Variants in TET2 observed in about 807,000 individuals in gnomAD.
The protein encoded by TET2 is tet methylcytosine dioxygenase 2.
TET2 carries 299 observed loss-of-function variants against 142.9 expected under a neutral mutation model. The ratio of observed to expected loss-of-function variants is 2.09; its 90% CI spans 1.90 to 2.30. The LOEUF (loss-of-function observed/expected upper bound fraction) is 2.30. TET2 is among the 30% of genes most tolerant of loss of function. TET2 has a pLI of 0.00. For synonymous variants in TET2, 819 were observed against 849.0 expected, an observed-to-expected ratio of 0.96 and a Z score of 0.61; for missense variants, 2,418 against 2,378.0, an observed-to-expected ratio of 1.02 and a Z score of -0.35.
chr4:105,203,497 A>G (rs1160156970), intron 2 of TET2, among the ~76,000 whole-genome samples: 1 of 152,096 alleles, frequency 6.6e-6, no homozygotes, highest in Non-Finnish European at 1.5e-5. Context: ...TTGTATACCA[A>G]TACATTACAT....
chr4:105,221,816 A>G (rs1727841196), intron 2 of TET2, among the ~76,000 whole-genome samples: 1 of 151,552 alleles, frequency 6.6e-6, no homozygotes, highest in African/African-American at 2.4e-5. Flanking sequence ...TGCACCCACT[A>G]ACTCGTCATC....
chr4:105,240,416 T>G (rs1042569430), intron 3 of TET2: 51 of 1,072,768 alleles, frequency 4.8e-5, no homozygotes, highest in African/African-American at 8.2e-5. Context: ...GATATATACG[T>G]GGATAGAGAT....
intron 2 of TET2, among the ~76,000 whole-genome samples, chr4:105,194,357 A>G (rs1010134969): frequency 6.6e-6 from 1 of 152,090 alleles, no homozygotes. Context: ...CCTGATTTAC[A>G]ATGTTATCTT....
intron 8 of TET2, among the ~76,000 whole-genome samples, chr4:105,267,858 GA>G (rs1157045931): frequency 6.6e-6 from 1 of 151,732 alleles, no homozygotes; most frequent in Non-Finnish European, 1.5e-5. Context: ...GACATAACAG[GA>G]AAAAATATGA....
chr4:105,236,248 A>G lies in TET2; in HGVS notation c.2306A>G (p.Gln769Arg). 1 of 1,614,144 alleles carries G rather than the reference A, an allele frequency of 6.2e-7. No individual in the cohort carries two copies. Among genetic ancestry groups the G allele is most frequent in the Non-Finnish European group, 8.5e-7 (1 of 1,180,022 alleles). The change falls in exon 3 of 11, where the codon CAG (glutamine) becomes CGG (arginine). Residue 769 changes from glutamine (Q) to arginine (R), a missense_variant. By Grantham distance (43) the Gln-to-Arg change is conservative (BLOSUM62 1). Transcript: ENST00000380013. Reference protein sequence around the residue: ...TFPHPQSNNDQQREGSFFGQT... With the variant: ...TFPHPQSNNDRQREGSFFGQT... ...CCTCACCCCCAAAGCAACAATGATC[A>G]GCAAAGAGAAGGATCATTCTTTGGC...
chr4:105,237,481 C>A, intron 3 of TET2, 130 bp downstream of exon 3: 1 of 1,607,420 alleles, frequency 6.2e-7, no homozygotes, highest in South Asian at 1.1e-5. Context: ...TCATAAAAAT[C>A]TGAAGCTTAC....
intron 1 of TET2, among the ~76,000 whole-genome samples, chr4:105,159,298 G>GT (rs1166895496): frequency 2.0e-5 from 3 of 148,664 alleles, no homozygotes; most frequent in Non-Finnish European, 4.4e-5. Context: ...TGCTGCCAAG[G>GT]TTGGAGTGCA....
At chr4:105,171,197 G>A (rs991680727) in intron 1 of TET2, among the ~76,000 whole-genome samples, 1 of 152,012 alleles carries the variant, frequency 6.6e-6, no homozygotes. Flanking sequence ...TTTATTCAAA[G>A]TGTTATCTCC....
intron 2 of TET2, among the ~76,000 whole-genome samples, chr4:105,212,539 T>C (rs1454566617): frequency 6.6e-6 from 1 of 152,208 alleles, no homozygotes; most frequent in Admixed American, 6.6e-5. Flanking sequence ...TAAAATCATT[T>C]ATGCATACTA....
At position 105,275,475 on chromosome 4, in the gene TET2, G is replaced by A. The variant is rs755125847; in HGVS notation, c.4965G>A (p.Pro1655=). The A allele has an allele frequency of 3.9e-5, 61 of 1,551,508 alleles. No individual in the cohort carries two copies. In the Middle Eastern group the frequency reaches 1.7e-3, roughly 42 times the overall value. The change falls in exon 11 of 11, where the codon CCG becomes CCA. Residue 1655 remains proline (P), a synonymous_variant. Coordinates refer to ENST00000380013, the MANE Select transcript of TET2 (RefSeq NM_001127208.3). The part of the protein sequence containing the change: ...YLGSYSPQSQ[P]MDLYRYPSQD... Reference sequence around the variant, plus strand: ...GTTCCTATTCTCCCCAGTCTCAGCCGATGGATCTGTATAGGTATCCAAGCC... The same window carrying A: ...GTTCCTATTCTCCCCAGTCTCAGCCAATGGATCTGTATAGGTATCCAAGCC...
chr4:105,195,878 ACTTTT>A (rs1326763557), intron 2 of TET2, among the ~76,000 whole-genome samples: 2 of 152,090 alleles, frequency 1.3e-5, no homozygotes, highest in Admixed American at 6.6e-5. Flanking sequence ...AGTCTTGGGG[ACTTTT>A]CTTAAAATAT....
At chr4:105,159,251 C>CTTTTTTTTT (rs779676545) in intron 1 of TET2, among the ~76,000 whole-genome samples, 1 of 134,586 alleles carries the variant, frequency 7.4e-6, no homozygotes, top group African/African-American at 2.8e-5. Context: ...TTCTTTCTTT[C>CTTTTTTTTT]TTTTTTTTTT....
intron 8 of TET2, among the ~76,000 whole-genome samples, chr4:105,263,094 C>G (rs1578722262): frequency 6.6e-6 from 1 of 151,708 alleles, no homozygotes; most frequent in Non-Finnish European, 1.5e-5. Context: ...AAATAAATAG[C>G]AATTTTAGAA....
At position 105,269,693 on chromosome 4, in the gene TET2, C is replaced by A; in HGVS notation, c.4128C>A (p.Asp1376Glu). The A allele has an allele frequency of 6.4e-7, 1 of 1,551,654 alleles. No individual in the cohort carries two copies. The highest frequency in any genetic ancestry group is 8.7e-7 in the Non-Finnish European group (1 of 1,146,948). Residue 1376 changes from aspartate (D) to glutamate (E), a missense_variant, in exon 9 of 11, where the codon GAC becomes GAA. Transcript: ENST00000380013. ...RPFSGVTACLDFCAHAHRDLH... is the reference protein window; with the variant it reads ...RPFSGVTACLEFCAHAHRDLH... ...TCTCAGGGGTCACTGCATGTTTGGA[C>A]TTCTGTGCTCATGCCCACAGAGACT...
rs969716810 is a variant in TET2 at position 105,236,317 on chromosome 4, C to A, written c.2375C>A (p.Ser792Ter). The A allele has an allele frequency of 1.2e-6, 2 of 1,613,844 alleles. No homozygotes were observed. The highest frequency in any genetic ancestry group is 1.7e-5 in the Admixed American group (1 of 59,990). ...EECFHGENQY[S>*]KSSEFETHNV... ...TGTTTTCATGGTGAAAATCAGTATT[C>A]AAAATCAAGCGAGTTCGAGACTCAT... Residue 792 changes from serine (S) to a stop codon, truncating the protein, a stop_gained, in exon 3 of 11, where the codon TCA becomes TAA. Transcript: ENST00000380013. LOFTEE classifies it high-confidence loss of function.
intron 4 of TET2, chr4:105,242,167 T>G (rs1729340452): frequency 3.5e-5 from 39 of 1,130,288 alleles, no homozygotes; most frequent in Non-Finnish European, 4.3e-5. Flanking sequence ...GTATCATTCT[T>G]GCTCCATTTC....
At chr4:105,207,076 A>G (rs1253610010) in intron 2 of TET2, among the ~76,000 whole-genome samples, 1 of 152,344 alleles carries the variant, frequency 6.6e-6, no homozygotes, top group Middle Eastern at 3.4e-3. Context: ...TAAAGATTCC[A>G]AACATTAATA....
At position 105,276,192 on chromosome 4, in the gene TET2, C is replaced by T. The variant is rs1731214389; in HGVS notation, c.5682C>T (p.Pro1894=). Residue 1894 remains proline (P), a synonymous_variant, in exon 11 of 11, where the codon CCC becomes CCT. Transcript: ENST00000380013. The stretch of plus-strand genomic sequence containing the variant: ...TAAAGAATCCCAATAGGAATCACCC[C>T]ACCAGGATCTCCCTCGTCTTTTACC... The part of the protein sequence containing the change: ...TPLKNPNRNH[P]TRISLVFYQH... 6 of 1,551,506 alleles carry T rather than the reference C, an allele frequency of 3.9e-6. No homozygotes were observed. The highest frequency in any genetic ancestry group is 2.0e-5 in the Admixed American group (1 of 50,982).
chr4:105,268,273 TAAATC>T (rs764610895), intron 8 of TET2, among the ~76,000 whole-genome samples: 7 of 152,056 alleles, frequency 4.6e-5, no homozygotes, highest in Non-Finnish European at 7.4e-5. Flanking sequence ...TAGCAATAAA[TAAATC>T]AAAATAAACC....
Sources: allele counts gnomAD v4.1 joint callset (sites outside exome capture counted in the v4.1 genomes callset), GRCh38; gene constraint gnomAD v4.1.1; transcripts MANE v1.5; gene names NCBI Gene and HGNC (gene_info 2026-07-23, HGNC 2026-07-21).